The following ADORA2B variants were observed in gnomAD, a reference collection of about 807,000 sequenced individuals.
The protein encoded by ADORA2B is adenosine receptor A2b.
In ADORA2B, 18 loss-of-function variants were observed where a neutral mutation model predicts 20.8. The ratio of observed to expected loss-of-function variants is 0.87; its 90% CI spans 0.60 to 1.29. The LOEUF (loss-of-function observed/expected upper bound fraction) is 1.29. Ranked by LOEUF, ADORA2B falls within the 50% of genes most tolerant of loss-of-function variation. The probability of loss-of-function intolerance (pLI) is 0.00; values close to 1 mark genes in which losing one functional copy is unlikely to be tolerated. For missense variants in ADORA2B, 441 were observed against 422.7 expected (o/e 1.04, Z -0.38); for synonymous variants, 179 against 178.3 (o/e 1.00, Z -0.03).
In ADORA2B at chr17:15,945,346, G is replaced by A. The variant is rs768369462; in HGVS notation, c.98G>A (p.Gly33Asp). The A allele has an allele frequency of 1.5e-5, 24 of 1,606,890 alleles. 1 individual carries two copies. In the South Asian group the frequency reaches 2.4e-4, roughly 16 times the overall value. ...AACGTGCTGGTGTGCGCCGCGGTGG[G>A]CACGGCGAACACTCTGCAGACGCCC... Reference protein sequence around the residue: ...AGNVLVCAAVGTANTLQTPTN... With the variant: ...AGNVLVCAAVDTANTLQTPTN... The change falls in exon 1 of 2, where the codon GGC (glycine) becomes GAC (aspartate). Residue 33 changes from glycine to aspartate, a missense_variant. Coordinates refer to ENST00000304222, the MANE Select transcript of ADORA2B (RefSeq NM_000676.4).
the ADORA2B span, among the ~76,000 whole-genome samples, chr17:15,851,533 C>A: frequency 6.6e-6 from 1 of 152,148 alleles, no homozygotes; most frequent in Non-Finnish European, 1.5e-5. Context: ...TTCCCTGCCA[C>A]AGAACAGCAA....
At chr17:15,888,389 AC>A in the ADORA2B span, among the ~76,000 whole-genome samples, 2 of 128,470 alleles carry the variant, frequency 1.6e-5, 1 homozygote, top group African/African-American at 6.7e-5. Context: ...GAATTTCCAC[AC>A]ACCCCAGGAG....
chr17:15,871,823 G>C, the ADORA2B span, among the ~76,000 whole-genome samples: 1 of 152,130 alleles, frequency 6.6e-6, no homozygotes, highest in South Asian at 2.1e-4. Flanking sequence ...TTTTCCCTTT[G>C]CGTATATGGC....
the ADORA2B span, among the ~76,000 whole-genome samples, chr17:15,878,457 G>A: frequency 6.6e-6 from 1 of 152,182 alleles, no homozygotes; most frequent in East Asian, 1.9e-4. Context: ...CCAGGGCCCT[G>A]TGAGTGTCAG....
At chr17:15,957,218 T>C (rs970094798) in intron 1 of ADORA2B, among the ~76,000 whole-genome samples, 49 of 152,176 alleles carry the variant, frequency 3.2e-4, no homozygotes, top group African/African-American at 1.2e-3. Flanking sequence ...GCCATGGAGT[T>C]CAGCAGTCTG....
the ADORA2B span, among the ~76,000 whole-genome samples, chr17:15,923,206 A>ATTCTTTTTTTTTTTT: frequency 9.7e-5 from 11 of 113,528 alleles, no homozygotes; most frequent in African/African-American, 3.6e-4. Context: ...TCTTTTTTTA[A>ATTCTTTTTTTTTTTT]TTTTTTTTTT....
chr17:15,943,681 C>G (rs1969764735), upstream of ADORA2B, among the ~76,000 whole-genome samples: 1 of 152,208 alleles, frequency 6.6e-6, no homozygotes, highest in South Asian at 2.1e-4. Context: ...GCATGCCTTT[C>G]AAGTGTACAG....
At chr17:15,967,231 C>CTT (rs570632774) in intron 1 of ADORA2B, among the ~76,000 whole-genome samples, 5 of 139,294 alleles carry the variant, frequency 3.6e-5, no homozygotes, top group Non-Finnish European at 6.3e-5. Flanking sequence ...ACCTGCTTGC[C>CTT]TTTTTTTTTT....
At chr17:15,941,931 T>C (rs1370917314), upstream of ADORA2B, among the ~76,000 whole-genome samples, 2 of 151,880 alleles carry the variant, frequency 1.3e-5, no homozygotes, top group South Asian at 4.2e-4. Context: ...GTATGATTCA[T>C]TTCACAAAGA....
chr17:15,921,568 C>T, the ADORA2B span, among the ~76,000 whole-genome samples: 1 of 152,176 alleles, frequency 6.6e-6, no homozygotes, highest in African/African-American at 2.4e-5. Context: ...GTCCTATCAT[C>T]ACACCAAAAA....
At chr17:15,861,428 G>GT in the ADORA2B span, among the ~76,000 whole-genome samples, 1 of 152,086 alleles carries the variant, frequency 6.6e-6, no homozygotes, top group Admixed American at 6.6e-5. Context: ...TGGAAGGCAG[G>GT]TTGGAGCCAT....
intron 1 of ADORA2B, among the ~76,000 whole-genome samples, chr17:15,948,581 C>T (rs1428293903): frequency 1.3e-5 from 2 of 152,220 alleles, no homozygotes; most frequent in East Asian, 1.9e-4. Flanking sequence ...TTTCATGCCA[C>T]ACCCACTGTG....
At chr17:15,913,217 C>G in the ADORA2B span, among the ~76,000 whole-genome samples, 1 of 152,252 alleles carries the variant, frequency 6.6e-6, no homozygotes, top group Non-Finnish European at 1.5e-5. Flanking sequence ...TGCATTTACA[C>G]CCTGCACTCT....
intron 1 of ADORA2B, among the ~76,000 whole-genome samples, chr17:15,950,247 C>A (rs556515724): frequency 1.3e-5 from 2 of 152,310 alleles, no homozygotes; most frequent in African/African-American, 4.8e-5. Context: ...GAAGGATGGC[C>A]ACCAGAAGCT....
the ADORA2B span, among the ~76,000 whole-genome samples, chr17:15,878,450 G>A: frequency 6.6e-6 from 1 of 152,150 alleles, no homozygotes; most frequent in Non-Finnish European, 1.5e-5. Context: ...GTCCCAGCCA[G>A]GGCCCTGTGA....
At chr17:15,870,013 A>C in the ADORA2B span, among the ~76,000 whole-genome samples, 10 of 151,716 alleles carry the variant, frequency 6.6e-5, no homozygotes, top group African/African-American at 2.4e-4. Context: ...GTCTTGAGTC[A>C]GATGAATGGC....
the ADORA2B span, among the ~76,000 whole-genome samples, chr17:15,915,589 T>A: frequency 7.5e-5 from 11 of 146,088 alleles, no homozygotes; most frequent in African/African-American, 2.7e-4. Flanking sequence ...CAATAGGAGA[T>A]AGATAGGTGA....
the ADORA2B span, among the ~76,000 whole-genome samples, chr17:15,935,973 C>T: frequency 6.7e-6 from 1 of 150,334 alleles, no homozygotes. Context: ...TTCAGGCGAT[C>T]CTCCCACCTC....
At chr17:15,953,398 G>C (rs1021792286) in intron 1 of ADORA2B, among the ~76,000 whole-genome samples, 17 of 152,364 alleles carry the variant, frequency 1.1e-4, no homozygotes, top group African/African-American at 3.8e-4. Context: ...AAAAGGGAAA[G>C]CAAGAGACCC....
Sources: gnomAD v4.1 joint callset for allele counts (sites outside exome capture counted in the v4.1 genomes callset) on GRCh38, gnomAD v4.1.1 for gene constraint, MANE v1.5 for transcripts, NCBI Gene and HGNC (gene_info 2026-07-23, HGNC 2026-07-21) for gene names.